Variants in KIF14 observed in about 807,000 individuals in gnomAD.
KIF14 encodes kinesin-like protein KIF14.
In KIF14, 98 loss-of-function variants were observed where a neutral mutation model predicts 176.2. That is an observed-to-expected ratio of 0.56 (90% CI 0.47 to 0.66). The LOEUF (loss-of-function observed/expected upper bound fraction) is 0.66, where lower values mean the gene tolerates loss of function less well. Among genes scored for constraint, KIF14 ranks in the 30% least tolerant of loss-of-function variants. The pLI is 0.00. For missense variants in KIF14, 1,751 were observed against 1,920.4 expected, an observed-to-expected ratio of 0.91 and a Z score of 1.65; for synonymous variants, 566 against 632.2, an observed-to-expected ratio of 0.90 and a Z score of 1.57.
chr1:200,590,303 A>G (rs1244604595), intron 16 of KIF14, 31 bp from the exon 17 acceptor site: 3 of 1,580,124 alleles, frequency 1.9e-6, no homozygotes, highest in East Asian at 4.5e-5. Context: ...TATAGGGTAC[A>G]TGTTAAGAAT....
chr1:200,613,134 C>T (rs552345696), intron 4 of KIF14, among the ~76,000 whole-genome samples: 9 of 152,028 alleles, frequency 5.9e-5, no homozygotes, highest in Admixed American at 2.0e-4. Context: ...GTGATCTGCC[C>T]GCTTCGGCCT....
chr1:200,577,593 G>A (rs1197415447), intron 21 of KIF14, among the ~76,000 whole-genome samples: 1 of 151,616 alleles, frequency 6.6e-6, no homozygotes, highest in Non-Finnish European at 1.5e-5. Flanking sequence ...TCAGGAGATT[G>A]AGACCGCTGA....
Position 200,569,075 on chromosome 1 carries a change from G to A in KIF14, c.3661+836C>T, listed in dbSNP as rs140524483. 8.1e-3 allele frequency among the ~76,000 whole-genome samples: 1,225 copies of A among 151,848 alleles called. 11 individuals are homozygous for A. The highest frequency in any genetic ancestry group is 0.026 in the African/African-American group (1,090 of 41,382). ...CGAGTAGCTGGGATGACAGGCATGC[G>A]CCACCACACCCAGCTAATTTTGTAT... On this transcript the variant is annotated intron_variant, in intron 23 of 29. Coordinates refer to ENST00000367350, the MANE Select transcript of KIF14 (RefSeq NM_014875.3).
chr1:200,554,606 T>C lies in KIF14; in HGVS notation c.4429A>G (p.Lys1477Glu). Residue 1477 changes from lysine (K) to glutamate (E), a missense_variant and splice_region_variant, in exon 29 of 30, where the codon AAA becomes GAA. By Grantham distance (56) the Lys-to-Glu change is moderately conservative. Transcript: ENST00000367350. The part of the protein sequence containing the change: ...LENIFAESKI[K>E]SFRRQVQEEN... ...TCTTGTACTTGCCTTCTGAAACTTT[T>C]CTGTATAAATAAAGTTAATATTTAA... 7.0e-7 allele frequency: 1 copy of C among 1,428,496 alleles called. No individual in the cohort carries two copies. Among genetic ancestry groups the C allele is most frequent in the Non-Finnish European group, 9.7e-7 (1 of 1,026,848 alleles). The allele number at this position is 1,428,496 out of a possible 1,614,324, so 88.5% of individuals were successfully genotyped here. A position where few individuals can be genotyped will look rare whatever the true frequency, so the allele number is the denominator to read the frequency against.
In KIF14 at chr1:200,602,005, A is replaced by G. The variant is rs538922037; in HGVS notation, c.2043T>C (p.Ala681=). The change falls in exon 11 of 30, where the codon GCT becomes GCC. Residue 681 remains alanine, a synonymous_variant. Coordinates refer to ENST00000367350, the MANE Select transcript of KIF14 (RefSeq NM_014875.3). ...TTAATGTTTCTTCTATGTTGCTGGCAGCGGGACTAATCGTAGCAATCATTG... is the reference window on the plus strand; with the variant it reads ...TTAATGTTTCTTCTATGTTGCTGGCGGCGGGACTAATCGTAGCAATCATTG... The part of the protein sequence containing the change: ...KTAMIATISP[A]ASNIEETLST... 5.0e-6 allele frequency: 8 copies of G among 1,613,956 alleles called. No homozygotes were observed. In the South Asian group the frequency reaches 6.6e-5, roughly 13 times the overall value.
At chr1:200,580,145 G>A (rs1415421472) in intron 21 of KIF14, 109 bp downstream of exon 21, 13 of 511,702 alleles carry the variant, frequency 2.5e-5, no homozygotes, top group Middle Eastern at 6.1e-4. Context: ...TTTCTATATG[G>A]AGAATATGTC....
Position 200,610,744 on chromosome 1 carries a change from A to G in KIF14, c.1456-1816T>C, listed in dbSNP as rs1454503733. On this transcript the variant is annotated intron_variant, in intron 4 of 29. Transcript: ENST00000367350. ...ACCTTCCAATAGATAAAACACAGCA[A>G]TAGAAAATTAATTAAGAATCAAAAT... Among the ~76,000 whole-genome samples, 3 of 152,160 alleles carry G rather than the reference A, an allele frequency of 2.0e-5. No homozygotes were observed. The East Asian group carries it at 5.8e-4, about 29-fold the overall frequency.
rs1660521409 is a variant in KIF14, at chr1:200,618,411, T to C, written c.313A>G (p.Ser105Gly). 6.2e-7 allele frequency: 1 copy of C among 1,614,068 alleles called. No individual in the cohort carries two copies. Among genetic ancestry groups the C allele is most frequent in the Non-Finnish European group, 8.5e-7 (1 of 1,180,024 alleles). ...TTTTCAGTTGTGTCTTCCAACTCAC[T>C]AACAAGCAAAGATGATTCTTTGTTC... ...TRNKESSLLV[S>G]ELEDTTEKTA... Residue 105 changes from serine to glycine, a missense_variant, in exon 2 of 30, where the codon AGT (serine) becomes GGT (glycine). By Grantham distance (56) the Ser-to-Gly change is moderately conservative. Coordinates refer to ENST00000367350, the MANE Select transcript of KIF14 (RefSeq NM_014875.3).
intron 18 of KIF14, among the ~76,000 whole-genome samples, chr1:200,586,816 TACACC>T (rs1658776487): frequency 1.4e-5 from 2 of 138,220 alleles, no homozygotes; most frequent in East Asian, 2.1e-4. Context: ...TATATATATA[TACACC>T]ATGAAATACT....
chr1:200,593,022 TTA>T (rs1468824070), intron 15 of KIF14, among the ~76,000 whole-genome samples: 3 of 152,196 alleles, frequency 2.0e-5, no homozygotes, highest in African/African-American at 7.2e-5. Context: ...GTGCAAGACT[TTA>T]TGTTATCTCA....
At chr1:200,556,196 C>T (rs568794106) in intron 27 of KIF14, among the ~76,000 whole-genome samples, 1 of 152,238 alleles carries the variant, frequency 6.6e-6, no homozygotes, top group African/African-American at 2.4e-5. Context: ...AATGCTGCCC[C>T]CTAAGGTGCT....
rs1660632570 is a variant in KIF14, at chr1:200,620,538, C to CCTTCGTTCGGG, written c.-244_-243insCCCGAACGAAG. 1 of 149,586 alleles carries CCTTCGTTCGGG rather than the reference C, an allele frequency of 6.7e-6. No homozygotes were observed. Among genetic ancestry groups the CCTTCGTTCGGG allele is most frequent in the African/African-American group, 2.6e-5 (1 of 38,912 alleles). The allele number at this position is 149,586 out of a possible 1,614,324, so 9.3% of individuals were successfully genotyped here. ...CTTCGTTCGGGGACCCCTTCGCCGC[C>CCTTCGTTCGGG]GACCTGGAATGCTGAGGAACTGAAT... On this transcript the variant is annotated 5_prime_UTR_variant, in exon 1 of 30. Transcript: ENST00000367350.
In KIF14 at chr1:200,575,613, C is replaced by T. The variant is rs1658056460; in HGVS notation, c.3544G>A (p.Val1182Ile). 2 of 1,581,838 alleles carry T rather than the reference C, an allele frequency of 1.3e-6. No individual in the cohort carries two copies. The highest frequency in any genetic ancestry group is 2.2e-5 in the East Asian group (1 of 44,492). ...TACCTCCTTCTAGAAAGTGAAGAAA[C>T]TGGTGCATCTGTAATGTCGGGTTCC... ...EWEPDITDAPVSSLSRRRSRS... is the reference protein window; with the variant it reads ...EWEPDITDAPISSLSRRRSRS... Residue 1182 changes from valine to isoleucine, a missense_variant, in exon 22 of 30, where the codon GTT becomes ATT. Val to Ile is a conservative substitution (Grantham distance 29). Coordinates refer to ENST00000367350, the MANE Select transcript of KIF14 (RefSeq NM_014875.3).
At chr1:200,566,740 C>A (rs1325763056) in intron 23 of KIF14, among the ~76,000 whole-genome samples, 9 of 152,006 alleles carry the variant, frequency 5.9e-5, no homozygotes, top group African/African-American at 1.9e-4. Flanking sequence ...GTAGGTGGGA[C>A]AACAAGCATG....
intron 3 of KIF14, among the ~76,000 whole-genome samples, chr1:200,614,790 C>CAAAAA (rs67447333): frequency 4.0e-4 from 30 of 74,862 alleles, no homozygotes; most frequent in African/African-American, 5.6e-4. Flanking sequence ...AACCTTGCTA[C>CAAAAA]AAAAAAAAAA....
intron 25 of KIF14, among the ~76,000 whole-genome samples, chr1:200,563,542 T>C (rs2102584652): frequency 6.6e-6 from 1 of 152,106 alleles, no homozygotes; most frequent in African/African-American, 2.4e-5. Context: ...GGCTGATTTT[T>C]TTTATGTTTT....
chr1:200,594,341 GA>G (rs1659213906), intron 14 of KIF14, among the ~76,000 whole-genome samples: 1 of 41,990 alleles, frequency 2.4e-5, no homozygotes, highest in Non-Finnish European at 4.3e-5. Context: ...TAACTTCTTT[GA>G]AAACAAAAAC....
intron 23 of KIF14, among the ~76,000 whole-genome samples, chr1:200,569,420 A>T (rs1206091239): frequency 6.6e-6 from 1 of 152,088 alleles, no homozygotes; most frequent in Non-Finnish European, 1.5e-5. Context: ...CATTATGCAA[A>T]ATTCAGAAGA....
chr1:200,604,069 T>G (rs1297675278), intron 8 of KIF14, 114 bp from the exon 9 acceptor site: 5 of 653,884 alleles, frequency 7.6e-6, no homozygotes, highest in Non-Finnish European at 1.3e-5. Context: ...TTTTAAATAG[T>G]CTCTTCTTTT....
Sources: allele counts gnomAD v4.1 joint callset (sites outside exome capture counted in the v4.1 genomes callset), GRCh38; gene constraint gnomAD v4.1.1; transcripts MANE v1.5; gene names NCBI Gene and HGNC (gene_info 2026-07-23, HGNC 2026-07-21).